The following TSPAN9 variants were observed in gnomAD, a reference collection of about 807,000 sequenced individuals.
TSPAN9 encodes the protein tetraspanin-9.
Under a neutral mutation model 31.0 loss-of-function variants are expected in TSPAN9, and 16 were observed. The observed-to-expected ratio is 0.52, with a 90% CI of 0.35 to 0.78. TSPAN9 has a LOEUF of 0.78. Among genes scored for constraint, TSPAN9 ranks in the 30% least tolerant of loss-of-function variants. The pLI, the probability that TSPAN9 is intolerant of heterozygous loss-of-function variation, is 0.01. For synonymous variants in TSPAN9, 145 were observed against 121.6 expected (o/e 1.19, Z -1.27); for missense variants, 272 against 312.5 (o/e 0.87, Z 0.98).
intron 2 of TSPAN9, among the ~76,000 whole-genome samples, chr12:3,136,009 A>C (rs1401329033): frequency 6.6e-6 from 1 of 152,126 alleles, no homozygotes; most frequent in Non-Finnish European, 1.5e-5. Context: ...TCCCCGAGGA[A>C]AGTCCTGTTG....
intron 2 of TSPAN9, among the ~76,000 whole-genome samples, chr12:3,127,480 C>T (rs757316369): frequency 1.3e-4 from 20 of 151,950 alleles, no homozygotes; most frequent in Non-Finnish European, 2.6e-4. Context: ...CTCAGCCTCC[C>T]GAGCAGCTGG....
chr12:3,243,583 A>G (rs773218311), intron 3 of TSPAN9, among the ~76,000 whole-genome samples: 1 of 152,164 alleles, frequency 6.6e-6, no homozygotes. Flanking sequence ...CAGCCAGATC[A>G]CGGCACAGGA....
In TSPAN9 at chr12:3,107,118, C is replaced by T. The variant is rs997910384; in HGVS notation, c.-18+23399C>T. Among the ~76,000 whole-genome samples, 6 of 152,140 alleles carry T rather than the reference C, an allele frequency of 3.9e-5. No homozygotes were observed. Among genetic ancestry groups the T allele is most frequent in the African/African-American group, 1.4e-4 (6 of 41,426 alleles). On this transcript the variant is annotated intron_variant, in intron 2 of 8. Transcript: ENST00000011898. The surrounding 1 kb of genome is among the most constrained non-coding windows in gnomAD (Gnocchi z 4.1). ...GCCACCACCACCACTGCTGCCACCG[C>T]AGAGCACGAAATCATCACGGGGCTG...
intron 3 of TSPAN9, among the ~76,000 whole-genome samples, chr12:3,219,145 G>T (rs377174002): frequency 9.2e-5 from 14 of 152,384 alleles, no homozygotes; most frequent in African/African-American, 3.1e-4. Context: ...TGTGATGGGG[G>T]CTGTGTGTGT....
At position 3,285,903 on chromosome 12, in the gene TSPAN9, G is replaced by T. The variant is rs1863006153; in HGVS notation, c.*2787G>T. 6.6e-6 allele frequency: 1 copy of T among 152,268 alleles called. No homozygotes were observed. The highest frequency in any genetic ancestry group is 2.4e-5 in the African/African-American group (1 of 41,450). 9.4% of individuals were successfully genotyped at this position (152,268 alleles called of 1,614,324 possible). A position where few individuals can be genotyped will look rare whatever the true frequency, so the allele number is the denominator to read the frequency against. On this transcript the variant is annotated 3_prime_UTR_variant, in exon 9 of 9. Coordinates refer to ENST00000011898, the MANE Select transcript of TSPAN9 (RefSeq NM_006675.5). ...AACTGCTCTTGGGTGGTGGAAGCAGGTGTCACGGTGCAAGTCTCCCCCTGC... is the reference window on the plus strand; with the variant it reads ...AACTGCTCTTGGGTGGTGGAAGCAGTTGTCACGGTGCAAGTCTCCCCCTGC...
intron 5 of TSPAN9, among the ~76,000 whole-genome samples, chr12:3,279,934 G>C (rs1862863417): frequency 6.6e-6 from 1 of 152,102 alleles, no homozygotes; most frequent in Non-Finnish European, 1.5e-5. Context: ...CGGTGAGGGA[G>C]GTGAAGGTCA....
chr12:3,081,970 C>G (rs2098298171), intron 1 of TSPAN9, among the ~76,000 whole-genome samples: 1 of 151,124 alleles, frequency 6.6e-6, no homozygotes, highest in Non-Finnish European at 1.5e-5. Context: ...GCACTCCAGG[C>G]TGAGTAACAG....
chr12:3,183,796 G>A (rs911549563), intron 2 of TSPAN9, among the ~76,000 whole-genome samples: 5 of 152,146 alleles, frequency 3.3e-5, no homozygotes, highest in South Asian at 2.1e-4. Flanking sequence ...ATGAAGACCC[G>A]GGTTCCAGTC....
Position 3,172,862 on chromosome 12 carries a change from G to C in TSPAN9, c.-17-28315G>C, listed in dbSNP as rs952959097. 6.6e-6 allele frequency: 1 copy of C among 152,276 alleles called. No homozygotes were observed. The highest frequency in any genetic ancestry group is 2.4e-5 in the African/African-American group (1 of 41,456). The allele number at this position is 152,276 out of a possible 1,614,324, so 9.4% of individuals were successfully genotyped here. A position where few individuals can be genotyped will look rare whatever the true frequency, so the allele number is the denominator to read the frequency against. ...AAAGGTAACTAACCGCACGCGGCAGGCGAGTCTATTAAACAGAGAGGCTGG... is the reference window on the plus strand; with the variant it reads ...AAAGGTAACTAACCGCACGCGGCAGCCGAGTCTATTAAACAGAGAGGCTGG... On this transcript the variant is annotated intron_variant, in intron 2 of 8. Transcript: ENST00000011898. This position sits in a 1 kb window ranked among gnomAD's most constrained non-coding sequence, Gnocchi z 4.8.
chr12:3,110,142 A>T (rs1020549178), intron 2 of TSPAN9, among the ~76,000 whole-genome samples: 11 of 151,718 alleles, frequency 7.3e-5, no homozygotes, highest in African/African-American at 2.7e-4. Flanking sequence ...TTTTCTGTGG[A>T]GGGGGTAAAG....
rs1023637668 is a variant in TSPAN9, at chr12:3,138,737, G to T, written c.-18+55018G>T. 2.0e-5 allele frequency among the ~76,000 whole-genome samples: 3 copies of T among 151,784 alleles called. No homozygotes were observed. The South Asian group carries it at 6.2e-4, about 32-fold the overall frequency. ...CCAAAGTCGTGGGCTCAAGTGATTC[G>T]CCCACCTTAGCCTCCCAAAGTGAGC... is the stretch of plus-strand genomic sequence containing the variant. On this transcript the variant is annotated intron_variant, in intron 2 of 8. Transcript: ENST00000011898.
chr12:3,212,449 A>T (rs4766074), intron 3 of TSPAN9, among the ~76,000 whole-genome samples: 81,238 of 151,722 alleles, frequency 0.54, 22,515 homozygotes, highest in Middle Eastern at 0.68. Flanking sequence ...TTAAATTTTT[A>T]AATTTTTTGT....
At chr12:3,240,720 C>T (rs1405409015) in intron 3 of TSPAN9, among the ~76,000 whole-genome samples, 8 of 152,188 alleles carry the variant, frequency 5.3e-5, no homozygotes, top group Admixed American at 5.2e-4. Flanking sequence ...CTCTGCTGCA[C>T]TGTGGTGTTA....
At chr12:3,179,957 G>A (rs1004837619) in intron 2 of TSPAN9, among the ~76,000 whole-genome samples, 1 of 152,126 alleles carries the variant, frequency 6.6e-6, no homozygotes, top group Non-Finnish European at 1.5e-5. Flanking sequence ...CCTGCAGCTG[G>A]TAAAGCTTCC....
chr12:3,256,500 C>T (rs775669718), intron 3 of TSPAN9, among the ~76,000 whole-genome samples: 5 of 152,326 alleles, frequency 3.3e-5, no homozygotes, highest in Admixed American at 1.3e-4. Flanking sequence ...TTATAAATAG[C>T]GGATGACGGG....
At chr12:3,161,009 T>G (rs1374738003) in intron 2 of TSPAN9, among the ~76,000 whole-genome samples, 3 of 152,146 alleles carry the variant, frequency 2.0e-5, no homozygotes, top group Admixed American at 2.0e-4. Context: ...TCATCTGAGT[T>G]TGGCAGTTCT....
chr12:3,120,597 G>A (rs886991233), intron 2 of TSPAN9, among the ~76,000 whole-genome samples: 3 of 152,166 alleles, frequency 2.0e-5, no homozygotes, highest in African/African-American at 7.2e-5. Context: ...ACCTATTGAT[G>A]TCACCTCTTT....
chr12:3,209,259 A>G lies in TSPAN9; in HGVS notation c.63+8003A>G, dbSNP rs112989712. On this transcript the variant is annotated intron_variant, in intron 3 of 8. Coordinates refer to ENST00000011898, the MANE Select transcript of TSPAN9 (RefSeq NM_006675.5). ...CAAAAAAAAAAAAAAATAAAAAACT[A>G]AAAATTCAGCGTTGTGTTTCTGGAT... Among the ~76,000 whole-genome samples, 655 of 152,102 alleles carry G rather than the reference A, an allele frequency of 4.3e-3. 5 individuals are homozygous for G. Among genetic ancestry groups the G allele is most frequent in the African/African-American group, 0.015 (617 of 41,504 alleles).
intron 2 of TSPAN9, chr12:3,199,914 G>C (rs2098370295): frequency 1.3e-5 from 2 of 152,508 alleles, no homozygotes; most frequent in African/African-American, 4.8e-5. Context: ...GAGACCGCGT[G>C]CCCTGGCCGG....
Sources: gnomAD v4.1 joint callset for allele counts (sites outside exome capture counted in the v4.1 genomes callset) on GRCh38, gnomAD v4.1.1 for gene constraint, Gnocchi (gnomAD v3.1) non-coding constraint, MANE v1.5 for transcripts, NCBI Gene and HGNC (gene_info 2026-07-23, HGNC 2026-07-21) for gene names.